The following TM2D3 variants were observed in gnomAD, a reference collection of about 807,000 sequenced individuals.
The protein encoded by TM2D3 is TM2 domain containing 3, also known as TM2 domain-containing protein 3.
Under a neutral mutation model 27.3 loss-of-function variants are expected in TM2D3, and 33 were observed. The observed-to-expected ratio is 1.21, with a 90% CI of 0.92 to 1.61. The LOEUF (loss-of-function observed/expected upper bound fraction) is 1.61, where lower values mean the gene tolerates loss of function less well. Among genes scored for constraint, TM2D3 ranks in the 40% most tolerant of loss-of-function variants. TM2D3 has a pLI of 0.00. For missense variants in TM2D3, 364 were observed against 320.8 expected, an observed-to-expected ratio of 1.13 and a Z score of -1.03; for synonymous variants, 138 against 122.2, an observed-to-expected ratio of 1.13 and a Z score of -0.85.
At chr15:101,647,320 C>A (rs1236691697) in intron 3 of TM2D3, among the ~76,000 whole-genome samples, 1 of 152,216 alleles carries the variant, frequency 6.6e-6, no homozygotes, top group Non-Finnish European at 1.5e-5. Context: ...TTGAAGGTCA[C>A]TGAGCTTCAA....
intron 3 of TM2D3, among the ~76,000 whole-genome samples, chr15:101,649,091 T>C (rs1003756384): frequency 1.3e-5 from 2 of 152,250 alleles, no homozygotes; most frequent in African/African-American, 4.8e-5. Context: ...TTAAATACTA[T>C]GAGAAAACTT....
At chr15:101,646,030 A>C (rs978634474) in intron 4 of TM2D3, 1 of 152,360 alleles carries the variant, frequency 6.6e-6, no homozygotes, top group Non-Finnish European at 1.5e-5. Context: ...CATGCTGAAG[A>C]AGCTCTTGCA....
In TM2D3 at chr15:101,652,376, C is replaced by G. The variant is rs1567315351; in HGVS notation, c.-15G>C. On this transcript the variant is annotated 5_prime_UTR_variant, in exon 1 of 6. Coordinates refer to ENST00000333202, the MANE Select transcript of TM2D3 (RefSeq NM_078474.3). ...CCTCCCGCCATCTTGCCAGCGCCTGCGCACTTCCGGGCCGGGGGGCGGGGC... is the reference window on the plus strand; with the variant it reads ...CCTCCCGCCATCTTGCCAGCGCCTGGGCACTTCCGGGCCGGGGGGCGGGGC... The G allele has an allele frequency of 6.3e-7, 1 of 1,582,324 alleles. No homozygotes were observed. Among genetic ancestry groups the G allele is most frequent in the South Asian group, 1.1e-5 (1 of 88,444 alleles).
At chr15:101,640,864 G>T (rs957594150), downstream of TM2D3, among the ~76,000 whole-genome samples, 1 of 152,150 alleles carries the variant, frequency 6.6e-6, no homozygotes, top group Non-Finnish European at 1.5e-5. Flanking sequence ...CATGGATTCT[G>T]AATCTTTGAG....
chr15:101,638,663 T>C (rs1175795934), downstream of TM2D3, among the ~76,000 whole-genome samples: 1 of 152,140 alleles, frequency 6.6e-6, no homozygotes, highest in Non-Finnish European at 1.5e-5. Flanking sequence ...CTTACACACC[T>C]GAGCAATAAT....
intron 5 of TM2D3, among the ~76,000 whole-genome samples, chr15:101,642,963 CG>C (rs1465790159): frequency 6.6e-6 from 1 of 152,078 alleles, no homozygotes; most frequent in Non-Finnish European, 1.5e-5. Context: ...TGCACTAACA[CG>C]GGGTCAGGGC....
intron 2 of TM2D3, 178 bp downstream of exon 2, chr15:101,651,518 T>C (rs1014317980): frequency 1.5e-5 from 9 of 593,868 alleles, no homozygotes; most frequent in African/African-American, 1.3e-4. Context: ...AAGGTATAAA[T>C]ACGAAGACTA....
exon 5 of TM2D3, chr15:101,633,667 C>G: frequency 2.6e-6 from 4 of 1,532,152 alleles, no homozygotes; most frequent in South Asian, 1.2e-5. Context: ...CCACCTTTTT[C>G]AGGGTGATGT....
chr15:101,646,652 T>A, intron 4 of TM2D3, 73 bp downstream of exon 4: 3 of 1,567,358 alleles, frequency 1.9e-6, no homozygotes, highest in Non-Finnish European at 2.6e-6. Context: ...ACTCGCAAAT[T>A]TCTGGTTAAA....
intron 3 of TM2D3, among the ~76,000 whole-genome samples, chr15:101,649,200 G>A (rs955294541): frequency 1.3e-5 from 2 of 151,918 alleles, no homozygotes; most frequent in African/African-American, 4.8e-5. Context: ...CATCTTTTCC[G>A]TGTGGGTTTT....
chr15:101,642,589 C>A lies in TM2D3; in HGVS notation c.634G>T (p.Gly212Cys). ...DRFYLGQWREGLGKLFSFGGL... is the reference protein window; with the variant it reads ...DRFYLGQWRECLGKLFSFGGL... The stretch of plus-strand genomic sequence containing the variant: ...CCGAAGCTGAAGAGCTTGCCGAGGC[C>A]TTCCCGCCACTGGCCCAGGTAGAAA... The change falls in exon 6 of 6, where the codon GGC (glycine) becomes TGC (cysteine). Residue 212 changes from glycine to cysteine, a missense_variant. Gly to Cys is a radical substitution (Grantham distance 159). Coordinates refer to ENST00000333202, the MANE Select transcript of TM2D3 (RefSeq NM_078474.3). 6.2e-7 allele frequency: 1 copy of A among 1,607,270 alleles called. No homozygotes were observed. Among genetic ancestry groups the A allele is most frequent in the Non-Finnish European group, 8.5e-7 (1 of 1,177,126 alleles).
chr15:101,633,276 T>C, exon 5 of TM2D3: 1 of 171,292 alleles, frequency 5.8e-6, no homozygotes, highest in Non-Finnish European at 1.2e-5. Flanking sequence ...TCTATTGCTT[T>C]ATAACAAATT....
intron 4 of TM2D3, chr15:101,645,569 C>A: frequency 6.0e-6 from 1 of 165,304 alleles, no homozygotes; most frequent in Middle Eastern, 3.0e-3. Flanking sequence ...AACTGGCCAT[C>A]CATGTGGGGG....
At chr15:101,639,781 C>A (rs1013009394), downstream of TM2D3, among the ~76,000 whole-genome samples, 1 of 152,198 alleles carries the variant, frequency 6.6e-6, no homozygotes, top group Non-Finnish European at 1.5e-5. Context: ...TATCTCCTTG[C>A]AGCCACCTCA....
chr15:101,635,073 T>A (rs1036295723), intron 4 of TM2D3: 2 of 152,090 alleles, frequency 1.3e-5, no homozygotes, highest in African/African-American at 4.8e-5. Context: ...GGTGGGAGAA[T>A]CTCTTGAGCC....
chr15:101,635,388 A>C (rs961530786), intron 4 of TM2D3: 2 of 152,176 alleles, frequency 1.3e-5, no homozygotes, highest in Admixed American at 6.5e-5. Context: ...GCAATCTGTG[A>C]GCATTTTTTA....
intron 2 of TM2D3, 193 bp downstream of exon 2, chr15:101,651,503 G>A: frequency 3.8e-6 from 2 of 521,648 alleles, no homozygotes; most frequent in Non-Finnish European, 3.4e-6. Context: ...AGGCAGAAAC[G>A]TCAAAAGGTA....
Position 101,642,384 on chromosome 15 carries a change from T to G in TM2D3, c.*95A>C. 1.4e-6 allele frequency: 2 copies of G among 1,403,044 alleles called. No homozygotes were observed. The highest frequency in any genetic ancestry group is 1.9e-6 in the Non-Finnish European group (2 of 1,072,280). 86.9% of individuals were successfully genotyped at this position (1,403,044 alleles called of 1,614,324 possible). A position where few individuals can be genotyped will look rare whatever the true frequency, so the allele number is the denominator to read the frequency against. On this transcript the variant is annotated 3_prime_UTR_variant, in exon 6 of 6. Transcript: ENST00000333202. ...CAAACAAAGTACAGATGCTGTACAT[T>G]AAAAACATAGAAATATATCACTCAC...
In TM2D3 at chr15:101,651,687, G is replaced by T. The variant is rs758303833; in HGVS notation, c.169+9C>A. The T allele has an allele frequency of 2.5e-6, 4 of 1,612,762 alleles. No individual in the cohort carries two copies. In the South Asian group the frequency reaches 4.4e-5, roughly 18 times the overall value. On this transcript the variant is annotated intron_variant, in intron 2 of 5. Coordinates refer to ENST00000333202, the MANE Select transcript of TM2D3 (RefSeq NM_078474.3). ...ACATGTATTTACTAGAATAGAAAAC[G>T]TCTAGTACCTGCTGCCCTGGGAACT...
Sources: allele counts gnomAD v4.1 joint callset (sites outside exome capture counted in the v4.1 genomes callset), GRCh38; gene constraint gnomAD v4.1.1; transcripts MANE v1.5; gene names NCBI Gene and HGNC (gene_info 2026-07-23, HGNC 2026-07-21).